The following PRKCE variants were observed in gnomAD, a reference collection of about 807,000 sequenced individuals.
The protein encoded by PRKCE is protein kinase C epsilon.
Under a neutral mutation model 85.4 loss-of-function variants are expected in PRKCE, and 16 were observed. The observed-to-expected ratio is 0.19, with a 90% CI of 0.13 to 0.28. The LOEUF (loss-of-function observed/expected upper bound fraction) is 0.28, where lower values mean the gene tolerates loss of function less well. Ranked by LOEUF, PRKCE falls within the 10% of genes least tolerant of loss-of-function variation. PRKCE has a pLI of 1.00. For missense variants in PRKCE, 573 were observed against 975.2 expected, an observed-to-expected ratio of 0.59 and a Z score of 5.49; for synonymous variants, 388 against 371.5, an observed-to-expected ratio of 1.04 and a Z score of -0.51.
chr2:46,157,147 C>T (rs1677293510), intron 13 of PRKCE, among the ~76,000 whole-genome samples: 2 of 152,178 alleles, frequency 1.3e-5, no homozygotes, highest in Non-Finnish European at 2.9e-5. Context: ...GGGTAATTAA[C>T]TTGGGGTGGA....
intron 2 of PRKCE, among the ~76,000 whole-genome samples, chr2:45,886,969 A>G (rs1476715945): frequency 6.6e-6 from 1 of 152,236 alleles, no homozygotes; most frequent in Non-Finnish European, 1.5e-5. Flanking sequence ...GGACGATGTC[A>G]CTAGCCTCAC....
chr2:46,017,148 C>T (rs1456037658), intron 10 of PRKCE, among the ~76,000 whole-genome samples: 1 of 152,050 alleles, frequency 6.6e-6, no homozygotes, highest in Non-Finnish European at 1.5e-5. Flanking sequence ...CATCACCCCT[C>T]TCCATCTCCA....
At chr2:45,665,990 G>A (rs1417423126) in intron 1 of PRKCE, among the ~76,000 whole-genome samples, 1 of 152,048 alleles carries the variant, frequency 6.6e-6, no homozygotes, top group Non-Finnish European at 1.5e-5. Flanking sequence ...CCCCTTTCTA[G>A]GGCTTCTAGA....
At chr2:45,955,582 T>A (rs1700917452) in intron 2 of PRKCE, among the ~76,000 whole-genome samples, 1 of 152,054 alleles carries the variant, frequency 6.6e-6, no homozygotes, top group African/African-American at 2.4e-5. Context: ...TACTTCAGAG[T>A]TTGAGGCAGA....
chr2:45,954,808 G>C (rs191883138), intron 2 of PRKCE, among the ~76,000 whole-genome samples: 6 of 152,274 alleles, frequency 3.9e-5, no homozygotes, highest in Admixed American at 3.9e-4. Flanking sequence ...CTTTTATTTT[G>C]TGAAAAGACA....
At chr2:45,716,687 AAGAGAAGGAAGGAAGGAAG>A (rs1296760404) in intron 1 of PRKCE, among the ~76,000 whole-genome samples, 16 of 71,012 alleles carry the variant, frequency 2.3e-4, no homozygotes, top group Non-Finnish European at 1.3e-4. Context: ...GAAGAAGAAG[AAGAGAAGGAAGGAAGGAAG>A]GAAGGAAGGA....
At chr2:45,894,323 A>G (rs1384102615) in intron 2 of PRKCE, among the ~76,000 whole-genome samples, 2 of 151,884 alleles carry the variant, frequency 1.3e-5, no homozygotes, top group Admixed American at 6.6e-5. Flanking sequence ...ACTTTGAGCA[A>G]TGAACACCTG....
intron 2 of PRKCE, among the ~76,000 whole-genome samples, chr2:45,918,659 C>A (rs1370154093): frequency 1.3e-5 from 2 of 152,104 alleles, no homozygotes; most frequent in Non-Finnish European, 2.9e-5. Flanking sequence ...ATATAGTAAA[C>A]CAATCTGTCC....
intron 10 of PRKCE, among the ~76,000 whole-genome samples, chr2:46,075,936 C>T (rs1298151922): frequency 6.6e-6 from 1 of 152,106 alleles, no homozygotes; most frequent in Non-Finnish European, 1.5e-5. Context: ...CAGCCAGGGA[C>T]AGAGGACAGT....
chr2:45,936,997 G>A (rs1344765571), intron 2 of PRKCE, among the ~76,000 whole-genome samples: 1 of 152,180 alleles, frequency 6.6e-6, no homozygotes. Context: ...ACAGACACAA[G>A]CCTTCCAGTA....
intron 2 of PRKCE, among the ~76,000 whole-genome samples, chr2:45,927,118 G>A (rs1001513864): frequency 4.6e-5 from 7 of 152,230 alleles, no homozygotes; most frequent in African/African-American, 1.7e-4. Context: ...GAGAAGTATA[G>A]AATGTGTATA....
chr2:46,091,995 G>A (rs1013964111), intron 11 of PRKCE, among the ~76,000 whole-genome samples: 9 of 152,218 alleles, frequency 5.9e-5, no homozygotes, highest in Admixed American at 1.3e-4. Context: ...CGTAAAGTCC[G>A]TTTTTCTTCA....
chr2:45,763,356 A>T (rs1684667560), intron 1 of PRKCE, among the ~76,000 whole-genome samples: 1 of 152,204 alleles, frequency 6.6e-6, no homozygotes, highest in South Asian at 2.1e-4. Flanking sequence ...CTTTTCAGTA[A>T]AAAACAGCAG....
intron 1 of PRKCE, among the ~76,000 whole-genome samples, chr2:45,755,523 C>T (rs536076154): frequency 2.0e-5 from 3 of 152,306 alleles, no homozygotes; most frequent in South Asian, 2.1e-4. Flanking sequence ...TGACTTCCTG[C>T]GCCTCACATT....
At chr2:45,662,826 CTCTG>C (rs1272042662) in intron 1 of PRKCE, among the ~76,000 whole-genome samples, 1 of 151,956 alleles carries the variant, frequency 6.6e-6, no homozygotes, top group African/African-American at 2.4e-5. Context: ...GGAGCCCTCT[CTCTG>C]TATCATTAAG....
At chr2:45,903,285 A>G (rs955662444) in intron 2 of PRKCE, among the ~76,000 whole-genome samples, 8 of 152,232 alleles carry the variant, frequency 5.3e-5, no homozygotes, top group South Asian at 2.1e-4. Context: ...TCCTCCATAC[A>G]TTAACAGGCA....
chr2:46,053,505 T>C lies in PRKCE; in HGVS notation c.1438-32703T>C, dbSNP rs1248690650. On this transcript the variant is annotated intron_variant, in intron 10 of 14. Coordinates refer to ENST00000306156, the MANE Select transcript of PRKCE (RefSeq NM_005400.3). ...TGCCCATTAAGCAGTAAACTCCTCA[T>C]TACCTACCTCCTTCAGCCCCTGACA... Among the ~76,000 whole-genome samples the C allele has an allele frequency of 2.6e-5, 4 of 152,196 alleles. No individual in the cohort carries two copies. In the East Asian group the frequency reaches 7.7e-4, roughly 29 times the overall value.
intron 2 of PRKCE, among the ~76,000 whole-genome samples, chr2:45,954,176 C>T (rs1389697681): frequency 6.6e-6 from 1 of 152,182 alleles, no homozygotes; most frequent in Non-Finnish European, 1.5e-5. Flanking sequence ...CCTAGTGAAT[C>T]TTGGCAAGGA....
In PRKCE at chr2:45,652,549, T is replaced by C; in HGVS notation, c.348+101T>C. The C allele has an allele frequency of 8.8e-7, 1 of 1,137,072 alleles. No individual in the cohort carries two copies. Among genetic ancestry groups the C allele is most frequent in the Non-Finnish European group, 1.2e-6 (1 of 822,040 alleles). 70.4% of individuals were successfully genotyped at this position (1,137,072 alleles called of 1,614,324 possible). A position where few individuals can be genotyped will look rare whatever the true frequency, so the allele number is the denominator to read the frequency against. On this transcript the variant is annotated intron_variant, in intron 1 of 14. Transcript: ENST00000306156. This position sits in a 1 kb window ranked among gnomAD's most constrained non-coding sequence, Gnocchi z 7.7. ...TAGGGCTCCGGGACTTATTGACGACTGGGGTGTGTGTGCCTGTAAGTCTCA... is the reference window on the plus strand; with the variant it reads ...TAGGGCTCCGGGACTTATTGACGACCGGGGTGTGTGTGCCTGTAAGTCTCA...
Sources: allele counts gnomAD v4.1 joint callset (sites outside exome capture counted in the v4.1 genomes callset), GRCh38; gene constraint gnomAD v4.1.1; non-coding constraint Gnocchi (gnomAD v3.1); transcripts MANE v1.5; gene names NCBI Gene and HGNC (gene_info 2026-07-23, HGNC 2026-07-21).